Variants in FGFR2 observed in about 807,000 individuals in gnomAD.
FGFR2 encodes the protein fibroblast growth factor receptor 2, also known as BEK fibroblast growth factor receptor.
A neutral mutation model predicts 95.9 loss-of-function variants in FGFR2; 19 were observed. The observed-to-expected ratio is 0.20, with a 90% CI of 0.14 to 0.29. The LOEUF (loss-of-function observed/expected upper bound fraction) is 0.29. FGFR2 is among the 10% of genes least tolerant of loss of function. The pLI, the probability that FGFR2 is intolerant of heterozygous loss-of-function variation, is 1.00. For missense variants in FGFR2, 707 were observed against 1,056.9 expected (o/e 0.67, Z 4.59); for synonymous variants, 392 against 393.3 (o/e 1.00, Z 0.04).
At chr10:121,521,365 C>G (rs1375138186) in intron 6 of FGFR2, among the ~76,000 whole-genome samples, 4 of 152,200 alleles carry the variant, frequency 2.6e-5, no homozygotes, top group Non-Finnish European at 5.9e-5. Flanking sequence ...CCTGGAAAGG[C>G]TTCTCTCCAG....
intron 1 of FGFR2, among the ~76,000 whole-genome samples, chr10:121,596,940 C>T (rs749647339): frequency 2.0e-5 from 3 of 152,058 alleles, no homozygotes; most frequent in Non-Finnish European, 4.4e-5. Context: ...GAGTCGAGCC[C>T]GGTGGAAGAT....
chr10:121,553,856 C>A (rs1855735277), intron 4 of FGFR2, among the ~76,000 whole-genome samples: 1 of 152,178 alleles, frequency 6.6e-6, no homozygotes, highest in Non-Finnish European at 1.5e-5. Context: ...TTGTTCTTTT[C>A]TGCCCTCACT....
chr10:121,577,329 A>G (rs182599121), intron 2 of FGFR2, among the ~76,000 whole-genome samples: 49 of 150,418 alleles, frequency 3.3e-4, no homozygotes, highest in African/African-American at 1.1e-3. Flanking sequence ...ACCCAGCACA[A>G]TGTCTGGCAC....
intron 2 of FGFR2, among the ~76,000 whole-genome samples, chr10:121,567,018 G>A (rs1178594580): frequency 6.6e-6 from 1 of 152,138 alleles, no homozygotes; most frequent in Non-Finnish European, 1.5e-5. Flanking sequence ...AGTGAGAAGT[G>A]TGAATGGGAC....
chr10:121,558,798 A>G (rs1328030192), intron 4 of FGFR2, among the ~76,000 whole-genome samples: 3 of 152,038 alleles, frequency 2.0e-5, no homozygotes, highest in Non-Finnish European at 2.9e-5. Context: ...CATATTGGCC[A>G]GGCTGGTCTC....
chr10:121,540,432 T>A (rs1853537899), intron 5 of FGFR2, among the ~76,000 whole-genome samples: 1 of 152,292 alleles, frequency 6.6e-6, no homozygotes, highest in South Asian at 2.1e-4. Flanking sequence ...CCATGCAGAA[T>A]GTGTCTTCTG....
At chr10:121,515,355 C>T in intron 8 of FGFR2, 36 bp from the exon 9 acceptor site, 1 of 1,598,354 alleles carries the variant, frequency 6.3e-7, no homozygotes, top group Middle Eastern at 1.7e-4. Flanking sequence ...AACAGATAAG[C>T]AGGCCATAGA....
Position 121,503,837 on chromosome 10 carries a change from G to A in FGFR2, c.1392C>T (p.Ser464=), listed in dbSNP as rs1163670410. 1.7e-5 allele frequency: 27 copies of A among 1,614,088 alleles called. No homozygotes were observed. The highest frequency in any genetic ancestry group is 1.7e-5 in the Non-Finnish European group (20 of 1,180,012). Residue 464 remains serine (S), a synonymous_variant, in exon 10 of 18, where the codon TCC becomes TCT. Transcript: ENST00000358487. ...TADTPMLAGV[S]EYELPEDPKW... is the part of the protein sequence containing the mutation. ...TTGGGTCCTCTGGAAGTTCATACTCGGAGACCCCTGCCAGCATGGGGGTGT... is the reference window on the plus strand; with the variant it reads ...TTGGGTCCTCTGGAAGTTCATACTCAGAGACCCCTGCCAGCATGGGGGTGT...
chr10:121,556,282 A>C (rs1282590096), intron 4 of FGFR2, among the ~76,000 whole-genome samples: 2 of 152,186 alleles, frequency 1.3e-5, no homozygotes, highest in Non-Finnish European at 2.9e-5. Flanking sequence ...TGGTAGGATT[A>C]TGTGATTTCT....
intron 6 of FGFR2, among the ~76,000 whole-genome samples, chr10:121,532,049 C>A (rs1852150684): frequency 1.3e-5 from 2 of 152,208 alleles, no homozygotes; most frequent in Non-Finnish European, 1.5e-5. Flanking sequence ...GATTTCGCAA[C>A]TCTAGAGCTG....
chr10:121,492,581 T>C (rs912261803), intron 13 of FGFR2, among the ~76,000 whole-genome samples: 1 of 152,238 alleles, frequency 6.6e-6, no homozygotes, highest in African/African-American at 2.4e-5. Context: ...CACAAGCCCA[T>C]GGCTCCCCAT....
intron 8 of FGFR2, among the ~76,000 whole-genome samples, chr10:121,516,116 T>C (rs924299402): frequency 6.6e-6 from 1 of 152,188 alleles, no homozygotes; most frequent in Non-Finnish European, 1.5e-5. Flanking sequence ...CAACTTCCAA[T>C]GTCTGACTTC....
intron 9 of FGFR2, among the ~76,000 whole-genome samples, chr10:121,504,281 T>G (rs934419601): frequency 6.6e-6 from 1 of 151,672 alleles, no homozygotes; most frequent in South Asian, 2.1e-4. Flanking sequence ...TTAGTGCCTT[T>G]ATGGTTGTAC....
intron 9 of FGFR2, among the ~76,000 whole-genome samples, chr10:121,509,109 A>G (rs1848686164): frequency 6.6e-6 from 1 of 152,224 alleles, no homozygotes; most frequent in Admixed American, 6.5e-5. Context: ...GCACAAAATC[A>G]TAATCTTCCT....
At chr10:121,567,891 G>A (rs1168432852) in intron 2 of FGFR2, among the ~76,000 whole-genome samples, 1 of 152,190 alleles carries the variant, frequency 6.6e-6, no homozygotes, top group Admixed American at 6.5e-5. Context: ...TGCAAAAAGT[G>A]TTTCAATCCC....
chr10:121,563,582 T>C (rs1381560426), intron 4 of FGFR2, among the ~76,000 whole-genome samples: 1 of 152,238 alleles, frequency 6.6e-6, no homozygotes, highest in Non-Finnish European at 1.5e-5. Flanking sequence ...TTGTATTTTG[T>C]GTATTGAATA....
intron 4 of FGFR2, among the ~76,000 whole-genome samples, chr10:121,553,579 A>T (rs565705651): frequency 7.2e-5 from 11 of 152,352 alleles, no homozygotes; most frequent in Non-Finnish European, 1.3e-4. Flanking sequence ...TACAAATCTA[A>T]CCTAAATGAA....
intron 2 of FGFR2, among the ~76,000 whole-genome samples, chr10:121,591,637 C>A (rs1205167716): frequency 6.6e-6 from 1 of 152,202 alleles, no homozygotes. Flanking sequence ...CTCTTCTTTG[C>A]CAGGTTTTGC....
At chr10:121,571,623 A>AAAAC (rs993443150) in intron 2 of FGFR2, among the ~76,000 whole-genome samples, 41 of 148,482 alleles carry the variant, frequency 2.8e-4, no homozygotes, top group African/African-American at 9.5e-4. Context: ...AGCTTCTTTA[A>AAAAC]AAACAAACAA....
Sources: gnomAD v4.1 joint callset for allele counts (sites outside exome capture counted in the v4.1 genomes callset) on GRCh38, gnomAD v4.1.1 for gene constraint, MANE v1.5 for transcripts, NCBI Gene and HGNC (gene_info 2026-07-23, HGNC 2026-07-21) for gene names.